The following PPM1D variants were observed in gnomAD, a reference collection of about 807,000 sequenced individuals.
PPM1D encodes the protein protein phosphatase, Mg2+/Mn2+ dependent 1D.
PPM1D carries 52 observed loss-of-function variants against 58.3 expected under a neutral mutation model. That is an observed-to-expected ratio of 0.89 (90% CI 0.71 to 1.12). PPM1D has a LOEUF of 1.12. Among genes scored for constraint, PPM1D ranks in the 50% most tolerant of loss-of-function variants. The pLI is 0.00. For missense variants in PPM1D, 564 were observed against 777.2 expected, an observed-to-expected ratio of 0.73 and a Z score of 3.26; for synonymous variants, 278 against 285.1, an observed-to-expected ratio of 0.98 and a Z score of 0.25.
chr17:60,630,822 A>G (rs747095184), intron 2 of PPM1D, among the ~76,000 whole-genome samples: 3 of 152,164 alleles, frequency 2.0e-5, no homozygotes, highest in Non-Finnish European at 4.4e-5. Flanking sequence ...TTACCTTGTA[A>G]GGAGAAGGTT....
intron 4 of PPM1D, among the ~76,000 whole-genome samples, chr17:60,651,177 T>C (rs1161361671): frequency 2.6e-5 from 4 of 151,938 alleles, no homozygotes; most frequent in Non-Finnish European, 4.4e-5. Flanking sequence ...TCATAGAGCA[T>C]TGATGGGAAG....
intron 1 of PPM1D, among the ~76,000 whole-genome samples, chr17:60,603,251 T>A (rs1226262948): frequency 6.6e-6 from 1 of 152,176 alleles, no homozygotes; most frequent in Non-Finnish European, 1.5e-5. Flanking sequence ...CTTTATATGC[T>A]TATTGAGGAC....
chr17:60,618,787 A>T (rs780517040), intron 1 of PPM1D, among the ~76,000 whole-genome samples: 10 of 152,160 alleles, frequency 6.6e-5, no homozygotes, highest in Admixed American at 1.3e-4. Context: ...GTTGCTTTTA[A>T]AAAAGATGTG....
At chr17:60,629,836 G>A (rs1311366292) in intron 2 of PPM1D, among the ~76,000 whole-genome samples, 2 of 152,032 alleles carry the variant, frequency 1.3e-5, no homozygotes, top group African/African-American at 2.4e-5. Context: ...TCAGGAGTTC[G>A]AGACAAGCCG....
At chr17:60,657,743 T>C (rs115010241) in intron 5 of PPM1D, among the ~76,000 whole-genome samples, 1,638 of 152,164 alleles carry the variant, frequency 0.011, 36 homozygotes, top group African/African-American at 0.037. Flanking sequence ...TTTCTTTTTC[T>C]TTTTTTTGTT....
At chr17:60,657,742 C>CT (rs918002982) in intron 5 of PPM1D, among the ~76,000 whole-genome samples, 11 of 151,992 alleles carry the variant, frequency 7.2e-5, no homozygotes, top group South Asian at 2.1e-4. Context: ...ATTTCTTTTT[C>CT]TTTTTTTTGT....
At position 60,617,175 on chromosome 17, in the gene PPM1D, G is replaced by A. The variant is rs79651931; in HGVS notation, c.473-6346G>A. Among the ~76,000 whole-genome samples, 771 of 147,890 alleles carry A rather than the reference G, an allele frequency of 5.2e-3. 4 individuals are homozygous for A. The highest frequency in any genetic ancestry group is 0.019 in the African/African-American group (746 of 39,868). On this transcript the variant is annotated intron_variant, in intron 1 of 5. Transcript: ENST00000305921. ...GACAGAATGTGGCTGTGTTCCCCAAGCTGGTCTCCTGGCCTCAAGTGGTCC... is the reference window on the plus strand; with the variant it reads ...GACAGAATGTGGCTGTGTTCCCCAAACTGGTCTCCTGGCCTCAAGTGGTCC...
At chr17:60,619,330 A>G (rs1197481262) in intron 1 of PPM1D, among the ~76,000 whole-genome samples, 4 of 151,834 alleles carry the variant, frequency 2.6e-5, no homozygotes, top group Non-Finnish European at 4.4e-5. Context: ...GTTTTGAATA[A>G]TTCTGCAGGG....
At chr17:60,662,950 C>T (rs1390124030) in intron 5 of PPM1D, 45 bp from the exon 6 acceptor site, 4 of 1,521,704 alleles carry the variant, frequency 2.6e-6, no homozygotes, top group Non-Finnish European at 3.6e-6. Context: ...TTGTTGAGTT[C>T]TGGGATAAAT....
intron 2 of PPM1D, among the ~76,000 whole-genome samples, chr17:60,630,384 C>T (rs1027434653): frequency 2.0e-5 from 3 of 152,000 alleles, no homozygotes; most frequent in African/African-American, 7.2e-5. Context: ...TTACCAAAAA[C>T]ACCATCTGGA....
chr17:60,654,288 A>G (rs1453010199), intron 4 of PPM1D, among the ~76,000 whole-genome samples: 4 of 145,678 alleles, frequency 2.7e-5, no homozygotes, highest in Non-Finnish European at 6.0e-5. Context: ...TTTTTTTTTG[A>G]GAGAGAGAGT....
At position 60,663,046 on chromosome 17, in the gene PPM1D, G is replaced by T; in HGVS notation, c.1312G>T (p.Ala438Ser). 6.2e-7 allele frequency: 1 copy of T among 1,614,134 alleles called. No individual in the cohort carries two copies. The highest frequency in any genetic ancestry group is 8.5e-7 in the Non-Finnish European group (1 of 1,179,994). The change falls in exon 6 of 6, where the codon GCC (alanine) becomes TCC (serine). Residue 438 changes from alanine to serine, a missense_variant. Coordinates refer to ENST00000305921, the MANE Select transcript of PPM1D (RefSeq NM_003620.4). ...GGTGAATTCTAAGGACCATATACCT[G>T]CCCTGGTTCGTAGCAATGCCTTCTC... ...PRVNSKDHIP[A>S]LVRSNAFSEN...
At chr17:60,651,312 A>T (rs890251275) in intron 4 of PPM1D, among the ~76,000 whole-genome samples, 3 of 152,162 alleles carry the variant, frequency 2.0e-5, no homozygotes, top group African/African-American at 7.2e-5. Flanking sequence ...CCTTTAATCA[A>T]TTCTGAGGTG....
At chr17:60,644,352 T>C (rs2031195983) in intron 3 of PPM1D, among the ~76,000 whole-genome samples, 1 of 152,106 alleles carries the variant, frequency 6.6e-6, no homozygotes, top group Non-Finnish European at 1.5e-5. Context: ...CCCCGGCTGG[T>C]CTCGAACTCC....
chr17:60,633,335 C>T (rs780604286), intron 2 of PPM1D, among the ~76,000 whole-genome samples: 1 of 152,062 alleles, frequency 6.6e-6, no homozygotes, highest in Non-Finnish European at 1.5e-5. Context: ...CTGTTTCGCC[C>T]GTCCTCAACA....
chr17:60,636,374 T>C (rs1477420139), intron 3 of PPM1D, among the ~76,000 whole-genome samples: 1 of 152,230 alleles, frequency 6.6e-6, no homozygotes, highest in Non-Finnish European at 1.5e-5. Flanking sequence ...TTCCAGGTGC[T>C]GAGGATTCAG....
At chr17:60,602,124 G>GC (rs1328134881) in intron 1 of PPM1D, among the ~76,000 whole-genome samples, 11 of 152,354 alleles carry the variant, frequency 7.2e-5, no homozygotes, top group Admixed American at 1.3e-4. Flanking sequence ...TCAAAAACCA[G>GC]CCACTAGGCT....
At chr17:60,645,580 A>ATGTGTGTG (rs2031230891) in intron 3 of PPM1D, among the ~76,000 whole-genome samples, 1 of 131,640 alleles carries the variant, frequency 7.6e-6, no homozygotes, top group Non-Finnish European at 1.5e-5. Flanking sequence ...ATGTATATAT[A>ATGTGTGTG]TATGTGTGTA....
intron 1 of PPM1D, among the ~76,000 whole-genome samples, chr17:60,622,417 A>G (rs1451160578): frequency 6.6e-6 from 1 of 151,962 alleles, no homozygotes; most frequent in Non-Finnish European, 1.5e-5. Context: ...TTTGGTGGGG[A>G]GAATATGTCA....
Sources: gnomAD v4.1 joint callset for allele counts (sites outside exome capture counted in the v4.1 genomes callset) on GRCh38, gnomAD v4.1.1 for gene constraint, MANE v1.5 for transcripts, NCBI Gene and HGNC (gene_info 2026-07-23, HGNC 2026-07-21) for gene names.